Variants in BACH2 observed in about 807,000 individuals in gnomAD.
BACH2 encodes BACH transcriptional regulator 2.
In BACH2, 5 loss-of-function variants were observed where a neutral mutation model predicts 61.8. The observed-to-expected ratio is 0.08, with a 90% CI of 0.04 to 0.17. The LOEUF is 0.17. Ranked by LOEUF, BACH2 falls within the 10% of genes least tolerant of loss-of-function variation. The probability of loss-of-function intolerance (pLI) is 1.00; values close to 1 mark genes in which losing one functional copy is unlikely to be tolerated. For synonymous variants in BACH2, 446 were observed against 440.1 expected (o/e 1.01, Z -0.17); for missense variants, 824 against 1,091.1 (o/e 0.76, Z 3.45).
intron 4 of BACH2, among the ~76,000 whole-genome samples, chr6:90,163,914 T>C (rs1311820469): frequency 2.0e-5 from 3 of 152,158 alleles, no homozygotes; most frequent in Admixed American, 6.5e-5. Flanking sequence ...CTAGGTAATT[T>C]GGTCACAGAT....
rs527532406 is a variant in BACH2, at chr6:90,147,140, A to T, written c.-161-58031T>A. On this transcript the variant is annotated intron_variant, in intron 4 of 8. Coordinates refer to ENST00000257749, the MANE Select transcript of BACH2 (RefSeq NM_021813.4). ...AACTTGCTATATGCAATATTTAAAA[A>T]AAAGCCACTGCAAGAAGGGGCAGTA... Among the ~76,000 whole-genome samples the T allele has an allele frequency of 1.3e-4, 20 of 152,348 alleles. No homozygotes were observed. In the South Asian group the frequency reaches 4.1e-3, roughly 32 times the overall value.
chr6:90,217,817 G>A (rs1055037118), intron 3 of BACH2, among the ~76,000 whole-genome samples: 18 of 152,008 alleles, frequency 1.2e-4, no homozygotes, highest in African/African-American at 4.3e-4. Flanking sequence ...CATTAATACT[G>A]TTTGCCATGA....
chr6:90,018,975 C>T (rs574808615), intron 5 of BACH2, among the ~76,000 whole-genome samples: 20 of 152,196 alleles, frequency 1.3e-4, no homozygotes, highest in African/African-American at 3.4e-4. Flanking sequence ...CCTTCATTTT[C>T]GTGGAATGTT....
At chr6:90,237,081 G>A (rs1352504634) in intron 3 of BACH2, among the ~76,000 whole-genome samples, 9 of 152,052 alleles carry the variant, frequency 5.9e-5, no homozygotes, top group South Asian at 2.1e-4. Flanking sequence ...CTGCCACCAC[G>A]CCCGGCTAAT....
intron 1 of BACH2, among the ~76,000 whole-genome samples, chr6:90,276,117 C>A (rs1771683294): frequency 3.3e-5 from 5 of 152,150 alleles, no homozygotes; most frequent in Admixed American, 3.3e-4. Context: ...TCAATAAATG[C>A]AAGGAATGTC....
intron 1 of BACH2, among the ~76,000 whole-genome samples, chr6:90,294,852 T>G (rs1772289328): frequency 6.6e-6 from 1 of 152,218 alleles, no homozygotes; most frequent in African/African-American, 2.4e-5. Context: ...CATGTTACAT[T>G]TTAATGATCT....
intron 4 of BACH2, among the ~76,000 whole-genome samples, chr6:90,178,886 A>G (rs1768062725): frequency 6.6e-6 from 1 of 152,314 alleles, no homozygotes; most frequent in Non-Finnish European, 1.5e-5. Context: ...ACATGTTACT[A>G]TCAGCAGTGT....
At chr6:90,077,071 C>T (rs189822724) in intron 5 of BACH2, among the ~76,000 whole-genome samples, 4 of 152,238 alleles carry the variant, frequency 2.6e-5, no homozygotes, top group Admixed American at 2.6e-4. Context: ...TAATGAGCCC[C>T]GCCTGGCCAG....
intron 5 of BACH2, among the ~76,000 whole-genome samples, chr6:90,012,368 G>A (rs1030780651): frequency 2.6e-5 from 4 of 151,924 alleles, no homozygotes; most frequent in African/African-American, 9.7e-5. Flanking sequence ...GGTGGCTTAC[G>A]CCTGTAATCA....
intron 4 of BACH2, among the ~76,000 whole-genome samples, chr6:90,100,388 C>T (rs111454544): frequency 3.3e-5 from 5 of 152,142 alleles, no homozygotes; most frequent in East Asian, 1.9e-4. Flanking sequence ...GTTTGGGTGT[C>T]GTTACAAAGG....
chr6:90,151,586 T>A (rs1784813902), intron 4 of BACH2, among the ~76,000 whole-genome samples: 1 of 152,218 alleles, frequency 6.6e-6, no homozygotes, highest in African/African-American at 2.4e-5. Context: ...CCACCACATC[T>A]AGCCTCTGCT....
At chr6:89,973,085 C>T (rs1049190796) in intron 6 of BACH2, among the ~76,000 whole-genome samples, 4 of 151,966 alleles carry the variant, frequency 2.6e-5, no homozygotes, top group Non-Finnish European at 2.9e-5. Context: ...AGCGAAATTC[C>T]ATTTCAAAAC....
rs539443289 is a variant in BACH2, at chr6:90,245,663, A to C, written c.-275+6850T>G. 2.0e-5 allele frequency among the ~76,000 whole-genome samples: 3 copies of C among 152,354 alleles called. No homozygotes were observed. In the South Asian group the frequency reaches 6.2e-4, roughly 32 times the overall value. On this transcript the variant is annotated intron_variant, in intron 3 of 8. Transcript: ENST00000257749. The stretch of plus-strand genomic sequence containing the variant: ...AGGTAAACATAGCCTTTATATGTTC[A>C]TTTACATCATTCAGTAGTTTAGTTA...
At chr6:90,147,084 G>A (rs1227458301) in intron 4 of BACH2, among the ~76,000 whole-genome samples, 2 of 152,080 alleles carry the variant, frequency 1.3e-5, no homozygotes, top group Non-Finnish European at 2.9e-5. Context: ...CCAGCAAAAA[G>A]AGGAAGTTGG....
intron 6 of BACH2, among the ~76,000 whole-genome samples, chr6:89,971,786 T>C (rs555077088): frequency 1.3e-5 from 2 of 152,222 alleles, no homozygotes; most frequent in South Asian, 4.2e-4. Flanking sequence ...TCAGATCTCA[T>C]GAGACTTATT....
chr6:90,142,468 A>G lies in BACH2; in HGVS notation c.-161-53359T>C, dbSNP rs184632451. Among the ~76,000 whole-genome samples, 186 of 152,340 alleles carry G rather than the reference A, an allele frequency of 1.2e-3. 1 individual carries two copies. The highest frequency in any genetic ancestry group is 4.2e-3 in the African/African-American group (173 of 41,578). ...ACAGCAATTCTATCAAGTGACCTCT[A>G]TAAGCACCCAAAACTCAAGCTGATT... On this transcript the variant is annotated intron_variant, in intron 4 of 8. Transcript: ENST00000257749.
intron 5 of BACH2, among the ~76,000 whole-genome samples, chr6:90,061,518 T>G (rs1311215197): frequency 6.6e-6 from 1 of 152,182 alleles, no homozygotes; most frequent in Non-Finnish European, 1.5e-5. Flanking sequence ...GTTGGGTATC[T>G]AAGTCTGATA....
intron 3 of BACH2, among the ~76,000 whole-genome samples, chr6:90,214,348 T>G (rs1285652494): frequency 1.4e-5 from 2 of 141,512 alleles, no homozygotes; most frequent in African/African-American, 5.1e-5. Context: ...TCCCTCTCCC[T>G]TGGCGGGGCG....
chr6:90,034,780 A>G (rs543623635), intron 5 of BACH2, among the ~76,000 whole-genome samples: 1 of 152,266 alleles, frequency 6.6e-6, no homozygotes, highest in Non-Finnish European at 1.5e-5. Flanking sequence ...AACTGAAAAT[A>G]TAATAATGGA....
Sources: gnomAD v4.1 joint callset for allele counts (sites outside exome capture counted in the v4.1 genomes callset) on GRCh38, gnomAD v4.1.1 for gene constraint, MANE v1.5 for transcripts, NCBI Gene and HGNC (gene_info 2026-07-23, HGNC 2026-07-21) for gene names.